The following TYW1B variants were observed in gnomAD, a reference collection of about 807,000 sequenced individuals.
TYW1B encodes the protein S-adenosyl-L-methionine-dependent tRNA 4-demethylwyosine synthase TYW1B.
TYW1B carries 73 observed loss-of-function variants against 86.9 expected under a neutral mutation model. That is an observed-to-expected ratio of 0.84 (90% CI 0.70 to 1.02). The LOEUF (loss-of-function observed/expected upper bound fraction) is 1.02. TYW1B is among the 50% of genes least tolerant of loss of function. TYW1B has a pLI of 0.00. For synonymous variants in TYW1B, 248 were observed against 292.8 expected (o/e 0.85, Z 1.56); for missense variants, 637 against 827.4 (o/e 0.77, Z 2.82).
intron 8 of TYW1B, among the ~76,000 whole-genome samples, chr7:72,730,247 T>G (rs533155526): frequency 6.7e-6 from 1 of 150,374 alleles, no homozygotes; most frequent in East Asian, 2.0e-4. Flanking sequence ...GAAAGGAAAA[T>G]CAAGGCCTGT....
intron 13 of TYW1B, among the ~76,000 whole-genome samples, chr7:72,600,857 G>A (rs1378415248): frequency 2.0e-5 from 3 of 151,674 alleles, no homozygotes; most frequent in Non-Finnish European, 4.4e-5. Flanking sequence ...GAGAGACCTT[G>A]TCTCTTAAAA....
At chr7:72,706,266 A>G (rs1281630049) in intron 10 of TYW1B, among the ~76,000 whole-genome samples, 1 of 151,992 alleles carries the variant, frequency 6.6e-6, no homozygotes, top group Non-Finnish European at 1.5e-5. Flanking sequence ...CGTCTCTACT[A>G]AAAATACAAA....
rs1554436976 is a variant in TYW1B at position 72,616,780 on chromosome 7, C to CCA, written c.1675_1676dup (p.Trp559CysfsTer16). The CCA allele has an allele frequency of 1.2e-6, 2 of 1,614,224 alleles. No individual in the cohort carries two copies. Among genetic ancestry groups the CCA allele is most frequent in the Non-Finnish European group, 1.7e-6 (2 of 1,180,048 alleles). ...GGACAAACTGTACCACTTCCTCATG[C>CCA]CAGGGCACATGGGCCATGGTAAGAC... On this transcript the variant is annotated frameshift_variant, in exon 13 of 14. Transcript: ENST00000620995. LOFTEE classifies it high-confidence loss of function.
chr7:72,607,485 GGA>G (rs2129568212), intron 13 of TYW1B, among the ~76,000 whole-genome samples: 2 of 149,662 alleles, frequency 1.3e-5, no homozygotes, highest in South Asian at 4.3e-4. Context: ...AGGAAGAGAA[GGA>G]GAGAGGGAGG....
chr7:72,742,922 T>C (rs536156761), intron 8 of TYW1B, among the ~76,000 whole-genome samples: 2 of 152,258 alleles, frequency 1.3e-5, no homozygotes, highest in East Asian at 3.9e-4. Flanking sequence ...TGAAACATAA[T>C]CAATAGAATT....
At chr7:72,784,577 A>G (rs1269571359) in intron 6 of TYW1B, among the ~76,000 whole-genome samples, 2 of 152,128 alleles carry the variant, frequency 1.3e-5, no homozygotes, top group African/African-American at 4.8e-5. Context: ...GGCTCACTGA[A>G]ACCTCCATCT....
chr7:72,674,714 A>G (rs1332771175), intron 11 of TYW1B, among the ~76,000 whole-genome samples: 1 of 151,704 alleles, frequency 6.6e-6, no homozygotes, highest in Non-Finnish European at 1.5e-5. Flanking sequence ...TAGGCTATCA[A>G]ATATAATCTT....
rs1371893724 is a variant in TYW1B, at chr7:72,804,145, C to T, written c.724-1623G>A. Among the ~76,000 whole-genome samples, 11 of 151,320 alleles carry T rather than the reference C, an allele frequency of 7.3e-5. No homozygotes were observed. In the South Asian group the frequency reaches 1.5e-3, roughly 20 times the overall value. On this transcript the variant is annotated intron_variant, in intron 5 of 13. Coordinates refer to ENST00000620995, the MANE Select transcript of TYW1B (RefSeq NM_001145440.3). ...ACTAAAAATACAAAAATTAACCGGG[C>T]GTGGTGGCGTGCGCCTGTAGTCCCA...
chr7:72,644,627 C>T (rs1812880558), intron 11 of TYW1B, among the ~76,000 whole-genome samples: 1 of 151,926 alleles, frequency 6.6e-6, no homozygotes, highest in African/African-American at 2.4e-5. Flanking sequence ...TATGACAAAA[C>T]TGACACTGCA....
At chr7:72,584,864 A>C (rs1353565160) in intron 13 of TYW1B, among the ~76,000 whole-genome samples, 1 of 152,196 alleles carries the variant, frequency 6.6e-6, no homozygotes, top group Admixed American at 6.6e-5. Flanking sequence ...CAAGTACAGC[A>C]CAAGAGGCCT....
In TYW1B at chr7:72,677,732, T is replaced by C. The variant is rs149218147; in HGVS notation, c.1506+16955A>G. ...TTATCTTTTTTTTTGAGATGAAGTC[T>C]TGCTCTATCACCAGGCTGGAGTGCA... On this transcript the variant is annotated intron_variant, in intron 11 of 13. Coordinates refer to ENST00000620995, the MANE Select transcript of TYW1B (RefSeq NM_001145440.3). 4.6e-3 allele frequency among the ~76,000 whole-genome samples: 705 copies of C among 152,264 alleles called. 1 individual carries two copies. Among genetic ancestry groups the C allele is most frequent in the Non-Finnish European group, 6.0e-3 (409 of 68,034 alleles).
chr7:72,674,075 C>G (rs1813678335), intron 11 of TYW1B, among the ~76,000 whole-genome samples: 2 of 152,100 alleles, frequency 1.3e-5, no homozygotes, highest in Non-Finnish European at 2.9e-5. Flanking sequence ...TGCTAGGACA[C>G]TGCCTAGGCT....
At chr7:72,627,233 A>G (rs1378187448) in intron 12 of TYW1B, among the ~76,000 whole-genome samples, 1 of 152,180 alleles carries the variant, frequency 6.6e-6, no homozygotes, top group Non-Finnish European at 1.5e-5. Flanking sequence ...GGATCACTCA[A>G]GGTCAGGAGT....
At position 72,574,597 on chromosome 7, in the gene TYW1B, ATTTATGATCTT is replaced by A. The variant is rs1447875875; in HGVS notation, c.*890_*900del. The A allele has an allele frequency of 1.0e-6, 1 of 985,412 alleles. No individual in the cohort carries two copies. The highest frequency in any genetic ancestry group is 1.2e-6 in the Non-Finnish European group (1 of 829,894). The allele number at this position is 985,412 out of a possible 1,614,324, so 61.0% of individuals were successfully genotyped here. ...TGCTAACTTGAAAACAATTTTGAGT[ATTTATGATCTT>A]TCCAACTTGAAAACACCTGAACCTT... is the stretch of plus-strand genomic sequence containing the variant. On this transcript the variant is annotated 3_prime_UTR_variant, in exon 14 of 14. Coordinates refer to ENST00000620995, the MANE Select transcript of TYW1B (RefSeq NM_001145440.3).
At chr7:72,673,957 T>C (rs1813674816) in intron 11 of TYW1B, among the ~76,000 whole-genome samples, 1 of 152,172 alleles carries the variant, frequency 6.6e-6, no homozygotes, top group Non-Finnish European at 1.5e-5. Flanking sequence ...GTTATTATTT[T>C]TTTAAAAAGG....
intron 6 of TYW1B, among the ~76,000 whole-genome samples, chr7:72,802,104 T>C (rs1243144236): frequency 1.3e-5 from 2 of 152,078 alleles, no homozygotes; most frequent in Non-Finnish European, 2.9e-5. Flanking sequence ...CAAGACATTT[T>C]TTCTACCAAT....
At chr7:72,651,716 T>C (rs1813063065) in intron 11 of TYW1B, among the ~76,000 whole-genome samples, 1 of 152,038 alleles carries the variant, frequency 6.6e-6, no homozygotes, top group African/African-American at 2.4e-5. Flanking sequence ...TAAAACACGT[T>C]TGCAAGTCAT....
chr7:72,585,691 GTTCTC>G (rs1811258386), intron 13 of TYW1B, among the ~76,000 whole-genome samples: 1 of 152,140 alleles, frequency 6.6e-6, no homozygotes, highest in South Asian at 2.1e-4. Context: ...CCCTGCACAA[GTTCTC>G]TTCTCTTGTC....
intron 11 of TYW1B, among the ~76,000 whole-genome samples, chr7:72,658,670 T>C (rs1357898998): frequency 2.6e-5 from 4 of 152,230 alleles, no homozygotes; most frequent in Non-Finnish European, 4.4e-5. Flanking sequence ...TAAAACAATA[T>C]GGATATGTAT....
Sources: gnomAD v4.1 joint callset for allele counts (sites outside exome capture counted in the v4.1 genomes callset) on GRCh38, gnomAD v4.1.1 for gene constraint, MANE v1.5 for transcripts, NCBI Gene and HGNC (gene_info 2026-07-23, HGNC 2026-07-21) for gene names.